The following UGT1A10 variants were observed in gnomAD, a reference collection of about 807,000 sequenced individuals.
UGT1A10 encodes UDP-glucuronosyltransferase 1A10.
Under a neutral mutation model 45.8 loss-of-function variants are expected in UGT1A10, and 49 were observed. The ratio of observed to expected loss-of-function variants is 1.07; its 90% CI spans 0.85 to 1.36. The LOEUF (loss-of-function observed/expected upper bound fraction) is 1.36, where lower values mean the gene tolerates loss of function less well. Among genes scored for constraint, UGT1A10 ranks in the 40% most tolerant of loss-of-function variants. UGT1A10 has a pLI of 0.00. For synonymous variants in UGT1A10, 284 were observed against 249.7 expected (o/e 1.14, Z -1.29); for missense variants, 745 against 668.6 (o/e 1.11, Z -1.26).
At chr2:233,729,153 G>A in intron 1 of UGT1A10, 4 of 1,613,546 alleles carry the variant, frequency 2.5e-6, no homozygotes, top group Non-Finnish European at 3.4e-6. Context: ...AGGTTCCCCT[G>A]CCGTGGCTGG....
intron 1 of UGT1A10, chr2:233,693,496 C>T (rs1360218156): frequency 8.1e-6 from 13 of 1,614,144 alleles, no homozygotes; most frequent in Non-Finnish European, 1.1e-5. Context: ...AGTATTTGGG[C>T]CTACCATCTG....
intron 1 of UGT1A10, among the ~76,000 whole-genome samples, chr2:233,688,411 C>A (rs2074893193): frequency 6.6e-6 from 1 of 152,184 alleles, no homozygotes; most frequent in South Asian, 2.1e-4. Flanking sequence ...TTTTCGAGCC[C>A]ATGTGCCTAA....
At chr2:233,739,309 A>G (rs1691043770) in intron 1 of UGT1A10, among the ~76,000 whole-genome samples, 1 of 152,132 alleles carries the variant, frequency 6.6e-6, no homozygotes. Flanking sequence ...TGCCTAGTGG[A>G]GTTGTGAGAA....
At chr2:233,763,451 A>G (rs1353654111) in intron 1 of UGT1A10, among the ~76,000 whole-genome samples, 1 of 152,150 alleles carries the variant, frequency 6.6e-6, no homozygotes, top group African/African-American at 2.4e-5. Flanking sequence ...CATTTTGCCT[A>G]TTTGAATCTA....
intron 1 of UGT1A10, chr2:233,713,022 C>T (rs759060249): frequency 2.5e-6 from 4 of 1,613,644 alleles, no homozygotes; most frequent in East Asian, 2.2e-5. Context: ...TCCCCTGCCG[C>T]AGCTGGCCAC....
chr2:233,729,934 A>G (rs45449995), intron 1 of UGT1A10: 47,426 of 1,614,076 alleles, frequency 0.029, 771 homozygotes, highest in African/African-American at 0.049. Context: ...CAGGCCAATC[A>G]TGCCCAACAT....
At chr2:233,729,792 C>T (rs370250320) in intron 1 of UGT1A10, 17 of 1,613,864 alleles carry the variant, frequency 1.1e-5, no homozygotes, top group Non-Finnish European at 1.3e-5. Flanking sequence ...CCCTGTCCTA[C>T]ATTTGCCATG....
At chr2:233,729,664 T>G (rs755209657) in intron 1 of UGT1A10, 35 of 1,613,812 alleles carry the variant, frequency 2.2e-5, no homozygotes, top group Non-Finnish European at 3.0e-5. Context: ...TCCATGTGAT[T>G]TAGACTTTAA....
intron 1 of UGT1A10, chr2:233,754,666 T>C (rs1311893817): frequency 2.1e-6 from 1 of 466,882 alleles, no homozygotes. Context: ...TTGGTGGTGA[T>C]TTTTTTACCA....
intron 1 of UGT1A10, among the ~76,000 whole-genome samples, chr2:233,739,983 A>G (rs28900077): frequency 6.6e-6 from 1 of 151,864 alleles, no homozygotes; most frequent in Non-Finnish European, 1.5e-5. Context: ...AGTTTTCCCC[A>G]TGCTGTTCTT....
chr2:233,731,986 G>T (rs184170345), intron 1 of UGT1A10, among the ~76,000 whole-genome samples: 1 of 152,194 alleles, frequency 6.6e-6, no homozygotes, highest in Non-Finnish European at 1.5e-5. Context: ...TCTAACTGGC[G>T]TGAGATGGTA....
At chr2:233,765,999 C>T (rs1036845415) in intron 1 of UGT1A10, among the ~76,000 whole-genome samples, 2 of 151,990 alleles carry the variant, frequency 1.3e-5, no homozygotes, top group Non-Finnish European at 1.5e-5. Flanking sequence ...CTCCAGTGGG[C>T]GTGGGTTATG....
At chr2:233,671,725 T>A in intron 1 of UGT1A10, 2 of 1,120,244 alleles carry the variant, frequency 1.8e-6, no homozygotes, top group Non-Finnish European at 2.4e-6. Context: ...GCTACTGTTG[T>A]CTGGAAAACA....
At position 233,729,748 on chromosome 2, in the gene UGT1A10, A is replaced by C. The variant is rs140766748; in HGVS notation, c.856-37286A>C. 4.5e-4 allele frequency: 721 copies of C among 1,613,992 alleles called. 2 individuals carry two copies. The highest frequency in any genetic ancestry group is 1.8e-3 in the South Asian group (167 of 91,072). Reference sequence around the variant, plus strand: ...AACCAATTCAGACCACATGACATTCATGCAAAGGGTCAAGAACATGCTCTA... The same window carrying C: ...AACCAATTCAGACCACATGACATTCCTGCAAAGGGTCAAGAACATGCTCTA... On this transcript the variant is annotated intron_variant, in intron 1 of 4. Coordinates refer to ENST00000344644, the MANE Select transcript of UGT1A10 (RefSeq NM_019075.4).
chr2:233,675,858 G>A (rs2074337721), intron 1 of UGT1A10, among the ~76,000 whole-genome samples: 1 of 151,982 alleles, frequency 6.6e-6, no homozygotes, highest in African/African-American at 2.4e-5. Context: ...TAAAAAATAA[G>A]AAAAATTTGT....
rs34650714 is a variant in UGT1A10 at position 233,767,183 on chromosome 2, C to T, written c.987+18C>T. The T allele has an allele frequency of 6.4e-3, 10,393 of 1,613,868 alleles. 514 individuals carry two copies. The African/African-American group carries it at 0.12, about 18-fold the overall frequency. On this transcript the variant is annotated intron_variant, in intron 2 of 4. Transcript: ENST00000344644. The stretch of plus-strand genomic sequence containing the variant: ...CTCAGACAGTAAGAAGATTCTATAC[C>T]ATGGCCTCATATCTATTTTCACAGG...
intron 1 of UGT1A10, among the ~76,000 whole-genome samples, chr2:233,725,051 G>A: frequency 6.8e-6 from 1 of 147,840 alleles, no homozygotes; most frequent in East Asian, 2.1e-4. Flanking sequence ...GTCAGGCGTG[G>A]CGGCGCGCGC....
intron 1 of UGT1A10, among the ~76,000 whole-genome samples, chr2:233,696,905 T>C (rs2075364659): frequency 6.6e-6 from 1 of 152,208 alleles, no homozygotes; most frequent in Non-Finnish European, 1.5e-5. Context: ...ATTCTGTCAA[T>C]GTATTCATAT....
chr2:233,768,508 A>G (rs1699630858), intron 4 of UGT1A10, 69 bp downstream of exon 4: 1 of 1,557,694 alleles, frequency 6.4e-7, no homozygotes, highest in South Asian at 1.2e-5. Flanking sequence ...AAATATGAAA[A>G]CATTTACGTA....
Sources: gnomAD v4.1 joint callset for allele counts (sites outside exome capture counted in the v4.1 genomes callset) on GRCh38, gnomAD v4.1.1 for gene constraint, MANE v1.5 for transcripts, NCBI Gene and HGNC (gene_info 2026-07-23, HGNC 2026-07-21) for gene names.